Variants in MAPK14 observed in about 807,000 individuals in gnomAD.
The protein encoded by MAPK14 is mitogen-activated protein kinase 14, also known as CSAID-binding protein.
Under a neutral mutation model 49.6 loss-of-function variants are expected in MAPK14, and 16 were observed. That is an observed-to-expected ratio of 0.32 (90% CI 0.22 to 0.49). The LOEUF (loss-of-function observed/expected upper bound fraction) is 0.49. Among genes scored for constraint, MAPK14 ranks in the 20% least tolerant of loss-of-function variants. The probability of loss-of-function intolerance (pLI) is 0.99; values close to 1 mark genes in which losing one functional copy is unlikely to be tolerated. For synonymous variants in MAPK14, 142 were observed against 158.0 expected (o/e 0.90, Z 0.76); for missense variants, 200 against 441.2 (o/e 0.45, Z 4.90).
chr6:36,114,970 G>A (rs1766035705), downstream of MAPK14, among the ~76,000 whole-genome samples: 1 of 152,146 alleles, frequency 6.6e-6, no homozygotes, highest in Non-Finnish European at 1.5e-5. Context: ...AGGCTGTCTT[G>A]TTAGGGGGAG....
intron 8 of MAPK14, among the ~76,000 whole-genome samples, chr6:36,090,752 C>T (rs888727186): frequency 6.6e-6 from 1 of 152,144 alleles, no homozygotes; most frequent in Non-Finnish European, 1.5e-5. Context: ...GATGTTCTCT[C>T]ATTTTTAAAA....
At chr6:36,093,563 C>T (rs1765326111) in intron 8 of MAPK14, among the ~76,000 whole-genome samples, 1 of 151,800 alleles carries the variant, frequency 6.6e-6, no homozygotes, top group Non-Finnish European at 1.5e-5. Context: ...ACTAAAAATA[C>T]AAAAAATTAG....
intron 6 of MAPK14, among the ~76,000 whole-genome samples, chr6:36,074,759 G>T (rs964314170): frequency 1.3e-5 from 2 of 151,802 alleles, no homozygotes; most frequent in African/African-American, 4.8e-5. Context: ...GGGACTACAG[G>T]TGCACGCCAT....
intron 9 of MAPK14, among the ~76,000 whole-genome samples, chr6:36,101,607 C>G (rs1765640405): frequency 6.6e-6 from 1 of 151,944 alleles, no homozygotes; most frequent in Admixed American, 6.6e-5. Flanking sequence ...CTCCATCTCC[C>G]TGCTCAAGCG....
intron 6 of MAPK14, among the ~76,000 whole-genome samples, chr6:36,075,075 A>G (rs1351417857): frequency 1.3e-5 from 2 of 151,382 alleles, no homozygotes; most frequent in Non-Finnish European, 2.9e-5. Context: ...AAATACAAAA[A>G]TTTAGTTGGG....
At chr6:36,108,268 C>A in intron 11 of MAPK14, 112 bp from the exon 12 acceptor site, 1 of 784,762 alleles carries the variant, frequency 1.3e-6, no homozygotes, top group Non-Finnish European at 2.2e-6. Flanking sequence ...GGTAGCCCAT[C>A]AAACCACTAC....
intron 8 of MAPK14, among the ~76,000 whole-genome samples, chr6:36,090,728 T>C (rs993214577): frequency 1.3e-5 from 2 of 152,198 alleles, no homozygotes; most frequent in African/African-American, 4.8e-5. Context: ...GATTTTGCCA[T>C]GTTGGCCAGC....
chr6:36,092,582 A>C (rs1173324142), intron 8 of MAPK14: 1 of 465,490 alleles, frequency 2.1e-6, no homozygotes, highest in South Asian at 1.7e-5. Context: ...TTCCTTCTGA[A>C]ATTAACTCCT....
At chr6:36,090,134 T>C (rs893661270) in intron 8 of MAPK14, among the ~76,000 whole-genome samples, 8 of 147,950 alleles carry the variant, frequency 5.4e-5, no homozygotes, top group Non-Finnish European at 7.4e-5. Flanking sequence ...TTGCTTCTTA[T>C]ATATTTTTTT....
At chr6:36,053,174 C>A (rs543102079) in intron 2 of MAPK14, among the ~76,000 whole-genome samples, 2 of 147,674 alleles carry the variant, frequency 1.4e-5, no homozygotes, top group Non-Finnish European at 3.0e-5. Context: ...TTTCCTAAGG[C>A]TATATTATGA....
intron 3 of MAPK14, among the ~76,000 whole-genome samples, chr6:36,066,397 G>T (rs1176069310): frequency 6.7e-6 from 1 of 149,000 alleles, no homozygotes; most frequent in Non-Finnish European, 1.5e-5. Context: ...CAATTGCTAT[G>T]GTCTTATTAA....
intron 3 of MAPK14, among the ~76,000 whole-genome samples, chr6:36,064,270 G>GCCCCCCCCCC (rs3045917): frequency 3.2e-5 from 4 of 124,756 alleles, no homozygotes; most frequent in Non-Finnish European, 3.4e-5. Context: ...GAGCCACCAT[G>GCCCCCCCCCC]CCCCCCCCCA....
chr6:36,046,374 G>A (rs1447891525), intron 1 of MAPK14, among the ~76,000 whole-genome samples: 1 of 152,118 alleles, frequency 6.6e-6, no homozygotes, highest in African/African-American at 2.4e-5. Context: ...ATTTTATGAT[G>A]TTGTTCATGA....
In MAPK14 at chr6:36,028,085, G is replaced by A; in HGVS notation, c.-73G>A. On this transcript the variant is annotated 5_prime_UTR_variant, in exon 1 of 12. Coordinates refer to ENST00000229794, the MANE Select transcript of MAPK14 (RefSeq NM_139012.3). This position sits in a 1 kb window ranked among gnomAD's most constrained non-coding sequence, Gnocchi z 5.1. ...CCGCCCGGCTGGGCGGGCAGCAAGGGCCGGGGAGAGGGTGCGGGTGCAGGC... is the reference window on the plus strand; with the variant it reads ...CCGCCCGGCTGGGCGGGCAGCAAGGACCGGGGAGAGGGTGCGGGTGCAGGC... 2.9e-6 allele frequency: 3 copies of A among 1,027,796 alleles called. No individual in the cohort carries two copies. The highest frequency in any genetic ancestry group is 4.5e-6 in the Non-Finnish European group (3 of 670,648). 63.7% of individuals were successfully genotyped at this position (1,027,796 alleles called of 1,614,324 possible). A position where few individuals can be genotyped will look rare whatever the true frequency, so the allele number is the denominator to read the frequency against.
In MAPK14 at chr6:36,108,811, G is replaced by T; in HGVS notation, c.*364G>T. On this transcript the variant is annotated 3_prime_UTR_variant, in exon 12 of 12. Transcript: ENST00000229794. ...ATGAATTGTCCCCAATCCCGGTCATGCTTTTGCCACTTTGGCTTCTCCTGT... is the reference window on the plus strand; with the variant it reads ...ATGAATTGTCCCCAATCCCGGTCATTCTTTTGCCACTTTGGCTTCTCCTGT... 1 of 238,590 alleles carries T rather than the reference G, an allele frequency of 4.2e-6. No individual in the cohort carries two copies. The highest frequency in any genetic ancestry group is 2.3e-5 in the African/African-American group (1 of 43,782). 14.8% of individuals were successfully genotyped at this position (238,590 alleles called of 1,614,324 possible).
intron 8 of MAPK14, among the ~76,000 whole-genome samples, chr6:36,091,701 C>A (rs997256281): frequency 2.6e-5 from 4 of 152,060 alleles, no homozygotes. Context: ...GTTTTAACTT[C>A]CTTCATGCAA....
At chr6:36,092,900 G>A (rs1254502277) in intron 8 of MAPK14, among the ~76,000 whole-genome samples, 1 of 152,144 alleles carries the variant, frequency 6.6e-6, no homozygotes, top group Admixed American at 6.5e-5. Context: ...CTTAAAACCA[G>A]AATGATCAGA....
Position 36,052,632 on chromosome 6 carries a change from TA to T in MAPK14, c.117-64del, listed in dbSNP as rs753497459. 2.6e-5 allele frequency: 38 copies of T among 1,455,490 alleles called. No individual in the cohort carries two copies. In the East Asian group the frequency reaches 8.7e-4, roughly 33 times the overall value. The allele number at this position is 1,455,490 out of a possible 1,614,324, so 90.2% of individuals were successfully genotyped here. A position where few individuals can be genotyped will look rare whatever the true frequency, so the allele number is the denominator to read the frequency against. On this transcript the variant is annotated intron_variant, in intron 1 of 11. Coordinates refer to ENST00000229794, the MANE Select transcript of MAPK14 (RefSeq NM_139012.3). ...ACCCTTTAATTTGGAAATAGCCTTA[TA>T]AATACCCCAAAATAATATTTAGAAC...
At chr6:36,036,687 A>G (rs1762762785) in intron 1 of MAPK14, among the ~76,000 whole-genome samples, 5 of 152,168 alleles carry the variant, frequency 3.3e-5, no homozygotes, top group Admixed American at 3.3e-4. Context: ...AGAAGATAAT[A>G]ACTTGCTGAA....
Sources: gnomAD v4.1 joint callset for allele counts (sites outside exome capture counted in the v4.1 genomes callset) on GRCh38, gnomAD v4.1.1 for gene constraint, Gnocchi (gnomAD v3.1) non-coding constraint, MANE v1.5 for transcripts, NCBI Gene and HGNC (gene_info 2026-07-23, HGNC 2026-07-21) for gene names.